SRSF11: variants seen among roughly 807,000 people sequenced by gnomAD.
SRSF11 encodes the protein serine and arginine rich splicing factor 11, also known as serine/arginine-rich splicing factor 11.
A neutral mutation model predicts 56.0 loss-of-function variants in SRSF11; 9 were observed. The ratio of observed to expected loss-of-function variants is 0.16; its 90% CI spans 0.10 to 0.28. The LOEUF (loss-of-function observed/expected upper bound fraction) is 0.28, where lower values mean the gene tolerates loss of function less well. Among genes scored for constraint, SRSF11 ranks in the 10% least tolerant of loss-of-function variants. The pLI, the probability that SRSF11 is intolerant of heterozygous loss-of-function variation, is 1.00. For synonymous variants in SRSF11, 222 were observed against 215.3 expected (o/e 1.03, Z -0.27); for missense variants, 421 against 600.7 (o/e 0.70, Z 3.13).
At chr1:70,225,265 A>G (rs1304348609) in intron 1 of SRSF11, among the ~76,000 whole-genome samples, 1 of 152,222 alleles carries the variant, frequency 6.6e-6, no homozygotes, top group Non-Finnish European at 1.5e-5. Context: ...CAAAATGGAT[A>G]CTTTAATGGT....
upstream of SRSF11, among the ~76,000 whole-genome samples, chr1:70,217,759 T>A (rs4650033): frequency 3.2e-3 from 484 of 152,320 alleles, 4 homozygotes; most frequent in South Asian, 0.03. Flanking sequence ...TTATATTTAT[T>A]TGCTTTAATA....
In SRSF11 at chr1:70,239,403, A is replaced by G. The variant is rs1205204639; in HGVS notation, c.719-36A>G. The stretch of plus-strand genomic sequence containing the variant: ...CACTGCGTCTGGCCCCTATTTAATA[A>G]CTTCTAAATGCAGGTTCCTTTTCTT... On this transcript the variant is annotated intron_variant, in intron 6 of 11. Transcript: ENST00000370949. 4 of 1,492,372 alleles carry G rather than the reference A, an allele frequency of 2.7e-6. No individual in the cohort carries two copies. The African/African-American group carries it at 4.2e-5, about 16-fold the overall frequency. 92.4% of individuals were successfully genotyped at this position (1,492,372 alleles called of 1,614,324 possible).
chr1:70,252,727 A>G lies in SRSF11; in HGVS notation c.*1922A>G, dbSNP rs1452627933. On this transcript the variant is annotated 3_prime_UTR_variant, in exon 12 of 12. Transcript: ENST00000370949. ...AACCATGTGACATGGGCATTTTTGT[A>G]AGTCAAAAACAAATTTCACATATGG... 1 of 152,216 alleles carries G rather than the reference A, an allele frequency of 6.6e-6. No individual in the cohort carries two copies. Among genetic ancestry groups the G allele is most frequent in the Admixed American group, 6.5e-5 (1 of 15,282 alleles). 9.4% of individuals were successfully genotyped at this position (152,216 alleles called of 1,614,324 possible).
chr1:70,232,019 G>C (rs1672924254), intron 2 of SRSF11: 2 of 1,521,722 alleles, frequency 1.3e-6, no homozygotes, highest in Non-Finnish European at 1.8e-6. Flanking sequence ...AGTGTGTATT[G>C]TGCTATTTTT....
intron 3 of SRSF11, among the ~76,000 whole-genome samples, chr1:70,232,952 T>G (rs1216083952): frequency 1.3e-5 from 2 of 152,218 alleles, no homozygotes; most frequent in East Asian, 3.8e-4. Flanking sequence ...TTACTGAGAT[T>G]GTAACTGGTC....
chr1:70,214,117 G>T (rs921369222), intron 1 of SRSF11, among the ~76,000 whole-genome samples: 2 of 152,122 alleles, frequency 1.3e-5, no homozygotes, highest in African/African-American at 2.4e-5. Context: ...TACGAAAAAC[G>T]TATTAAAATG....
rs1235410258 is a variant in SRSF11 at position 70,251,078 on chromosome 1, G to T, written c.*273G>T. On this transcript the variant is annotated 3_prime_UTR_variant, in exon 12 of 12. Coordinates refer to ENST00000370949, the MANE Select transcript of SRSF11 (RefSeq NM_001350605.2). ...TGCTTCATAACAAAAATGAAAAGCTGCATGCATCTACAGCAGGCATGGATT... is the reference window on the plus strand; with the variant it reads ...TGCTTCATAACAAAAATGAAAAGCTTCATGCATCTACAGCAGGCATGGATT... The T allele has an allele frequency of 1.1e-5, 4 of 362,850 alleles. No individual in the cohort carries two copies. The highest frequency in any genetic ancestry group is 2.0e-5 in the Non-Finnish European group (4 of 198,424). 22.5% of individuals were successfully genotyped at this position (362,850 alleles called of 1,614,324 possible).
Position 70,253,040 on chromosome 1 carries a change from T to C in SRSF11, c.*2235T>C, listed in dbSNP as rs1456516699. On this transcript the variant is annotated 3_prime_UTR_variant, in exon 12 of 12. Coordinates refer to ENST00000370949, the MANE Select transcript of SRSF11 (RefSeq NM_001350605.2). ...AATTGATTTAAAAATAAAAGTGGTT[T>C]TTGTTAGAAAAATGTTTTGTCCTTA... The C allele has an allele frequency of 6.6e-6, 1 of 152,210 alleles. No homozygotes were observed. The allele number at this position is 152,210 out of a possible 1,614,324, so 9.4% of individuals were successfully genotyped here.
intron 9 of SRSF11, chr1:70,248,608 GAGAT>G (rs965665811): frequency 2.0e-5 from 3 of 152,012 alleles, no homozygotes; most frequent in Non-Finnish European, 2.9e-5. Context: ...AGGTGGCAAA[GAGAT>G]AGAAAAGATG....
chr1:70,248,080 A>G (rs1677159053), intron 9 of SRSF11, among the ~76,000 whole-genome samples: 1 of 152,140 alleles, frequency 6.6e-6, no homozygotes, highest in African/African-American at 2.4e-5. Flanking sequence ...CATTGCTAGT[A>G]TGAATATAAA....
intron 2 of SRSF11, chr1:70,230,094 T>C (rs753238983): frequency 1.2e-5 from 12 of 984,470 alleles, no homozygotes; most frequent in Non-Finnish European, 1.4e-5. Flanking sequence ...TAAATTTAAA[T>C]TTTTTATTGG....
At chr1:70,233,900 A>G (rs546108921) in intron 3 of SRSF11, among the ~76,000 whole-genome samples, 1 of 152,330 alleles carries the variant, frequency 6.6e-6, no homozygotes, top group African/African-American at 2.4e-5. Context: ...GGAGATTACT[A>G]GGGGAACTCT....
intron 1 of SRSF11, among the ~76,000 whole-genome samples, chr1:70,205,967 G>C (rs1668975368): frequency 6.6e-6 from 1 of 152,192 alleles, no homozygotes. Flanking sequence ...GCGGTCGGCA[G>C]CGTTTCTGGA....
chr1:70,246,776 C>G (rs369089116), intron 8 of SRSF11, 42 bp from the exon 9 acceptor site: 6 of 1,350,850 alleles, frequency 4.4e-6, no homozygotes, highest in Non-Finnish European at 6.3e-6. Context: ...TTGGCATCAG[C>G]TGAGTCTTCT....
intron 1 of SRSF11, among the ~76,000 whole-genome samples, chr1:70,208,345 T>TGTGTGTGA (rs1027922471): frequency 1.3e-4 from 20 of 152,222 alleles, no homozygotes; most frequent in African/African-American, 3.6e-4. Flanking sequence ...TGTGTGTGTG[T>TGTGTGTGA]GTGAGTGAGA....
At chr1:70,216,922 T>C (rs1481926895), upstream of SRSF11, among the ~76,000 whole-genome samples, 5 of 152,106 alleles carry the variant, frequency 3.3e-5, no homozygotes, top group Non-Finnish European at 7.4e-5. Context: ...TCACAAAGAG[T>C]GGACTTCTTT....
upstream of SRSF11, among the ~76,000 whole-genome samples, chr1:70,220,035 A>G (rs1049835377): frequency 9.9e-5 from 15 of 152,238 alleles, no homozygotes; most frequent in Admixed American, 7.9e-4. Flanking sequence ...CTTAAATGCC[A>G]TTGTCATTAA....
chr1:70,247,154 G>T, intron 9 of SRSF11: 2 of 1,007,844 alleles, frequency 2.0e-6, no homozygotes, highest in East Asian at 4.7e-5. Flanking sequence ...AGAGAGGTGA[G>T]TTTTTCTCTT....
Position 70,221,561 on chromosome 1 carries a change from T to G in SRSF11, c.-76T>G, listed in dbSNP as rs1329324059. 4 of 1,522,120 alleles carry G rather than the reference T, an allele frequency of 2.6e-6. No homozygotes were observed. The highest frequency in any genetic ancestry group is 4.7e-5 in the East Asian group (2 of 42,702). 94.3% of individuals were successfully genotyped at this position (1,522,120 alleles called of 1,614,324 possible). ...CACCCTCCTCTCTCCCGCAATCCGG[T>G]TCCTCTTCCCCCTCCTTCTCACTGT... On this transcript the variant is annotated 5_prime_UTR_variant, in exon 1 of 12. Coordinates refer to ENST00000370949, the MANE Select transcript of SRSF11 (RefSeq NM_001350605.2).
Sources: gnomAD v4.1 joint callset for allele counts (sites outside exome capture counted in the v4.1 genomes callset) on GRCh38, gnomAD v4.1.1 for gene constraint, MANE v1.5 for transcripts, NCBI Gene and HGNC (gene_info 2026-07-23, HGNC 2026-07-21) for gene names.